Variants in MAPKAP1 observed in about 807,000 individuals in gnomAD.
MAPKAP1 encodes target of rapamycin complex 2 subunit MAPKAP1.
A neutral mutation model predicts 65.7 loss-of-function variants in MAPKAP1; 20 were observed. The ratio of observed to expected loss-of-function variants is 0.30; its 90% CI spans 0.21 to 0.44. The LOEUF (loss-of-function observed/expected upper bound fraction) is 0.44, where lower values mean the gene tolerates loss of function less well. MAPKAP1 is among the 20% of genes least tolerant of loss of function. The pLI, the probability that MAPKAP1 is intolerant of heterozygous loss-of-function variation, is 1.00. For synonymous variants in MAPKAP1, 222 were observed against 244.3 expected (o/e 0.91, Z 0.85); for missense variants, 423 against 648.0 (o/e 0.65, Z 3.77).
chr9:125,610,200 G>A (rs1832558444), intron 4 of MAPKAP1, among the ~76,000 whole-genome samples: 1 of 152,174 alleles, frequency 6.6e-6, no homozygotes. Context: ...TCTTCATTCT[G>A]TAATATATAT....
intron 1 of MAPKAP1, among the ~76,000 whole-genome samples, chr9:125,703,318 G>A (rs1216817712): frequency 6.6e-6 from 1 of 152,116 alleles, no homozygotes; most frequent in African/African-American, 2.4e-5. Context: ...CCAGTTTTTT[G>A]TGGCTCTATC....
At chr9:125,594,832 ACT>A (rs1832078860) in intron 4 of MAPKAP1, among the ~76,000 whole-genome samples, 1 of 151,774 alleles carries the variant, frequency 6.6e-6, no homozygotes, top group Non-Finnish European at 1.5e-5. Flanking sequence ...GACTCCTCAG[ACT>A]CTCTTTCAGA....
At chr9:125,686,878 G>GT (rs1040038374) in intron 1 of MAPKAP1, among the ~76,000 whole-genome samples, 2 of 151,900 alleles carry the variant, frequency 1.3e-5, no homozygotes, top group Non-Finnish European at 2.9e-5. Flanking sequence ...CCAGGCTGAG[G>GT]TGCAGGAGCA....
intron 7 of MAPKAP1, among the ~76,000 whole-genome samples, chr9:125,509,078 A>G (rs528274201): frequency 5.9e-5 from 9 of 152,292 alleles, no homozygotes; most frequent in African/African-American, 1.7e-4. Context: ...TGGAGTGACT[A>G]TAGTTACCAA....
intron 1 of MAPKAP1, among the ~76,000 whole-genome samples, chr9:125,679,936 C>T (rs1166375268): frequency 1.3e-5 from 2 of 152,150 alleles, no homozygotes; most frequent in East Asian, 3.8e-4. Context: ...TTACTGCTGC[C>T]CCATCAATGT....
intron 4 of MAPKAP1, among the ~76,000 whole-genome samples, chr9:125,635,269 A>G (rs1564594538): frequency 6.6e-6 from 1 of 152,172 alleles, no homozygotes; most frequent in African/African-American, 2.4e-5. Context: ...CACCTCAAAC[A>G]TCGTTTGTGG....
chr9:125,438,977 G>A lies in MAPKAP1; in HGVS notation c.1479C>T (p.Ala493=). 2 of 1,614,110 alleles carry A rather than the reference G, an allele frequency of 1.2e-6. No individual in the cohort carries two copies. The highest frequency in any genetic ancestry group is 4.5e-5 in the East Asian group (2 of 44,878). Reference sequence around the variant, plus strand: ...GTTTTTGAGCAAAGTAGTCAGCCCGGGCAGTGCTAGCTCGCGATTCCAGGA... The same window carrying A: ...GTTTTTGAGCAAAGTAGTCAGCCCGAGCAGTGCTAGCTCGCGATTCCAGGA... ...NYILESRAST[A]RADYFAQKQR... is the part of the protein sequence containing the mutation. The change falls in exon 12 of 12, where the codon GCC becomes GCT. Residue 493 remains alanine (A), a synonymous_variant. Transcript: ENST00000265960.
chr9:125,506,123 AC>A lies in MAPKAP1; in HGVS notation c.1066+186del, dbSNP rs564395476. ...GTGCTAAACAGGATGCAGCCTCTCT[AC>A]CAAAAAGCACAAAATCAATCATTTC... is the stretch of plus-strand genomic sequence containing the variant. On this transcript the variant is annotated intron_variant, in intron 8 of 11. Transcript: ENST00000265960. 1.1e-4 allele frequency: 68 copies of A among 636,172 alleles called. No homozygotes were observed. The African/African-American group carries it at 1.1e-3, about 11-fold the overall frequency. The allele number at this position is 636,172 out of a possible 1,614,324, so 39.4% of individuals were successfully genotyped here.
Position 125,437,855 on chromosome 9 carries a change from T to C in MAPKAP1, c.*1032A>G, listed in dbSNP as rs1052664439. 6.6e-6 allele frequency: 1 copy of C among 152,324 alleles called. No individual in the cohort carries two copies. Among genetic ancestry groups the C allele is most frequent in the African/African-American group, 2.4e-5 (1 of 41,426 alleles). 9.4% of individuals were successfully genotyped at this position (152,324 alleles called of 1,614,324 possible). A position where few individuals can be genotyped will look rare whatever the true frequency, so the allele number is the denominator to read the frequency against. ...ATCTGGTGTGGCCAGAGGCGTGGTGTCAGGGGCATCTGATCCCTTGCCTGT... is the reference window on the plus strand; with the variant it reads ...ATCTGGTGTGGCCAGAGGCGTGGTGCCAGGGGCATCTGATCCCTTGCCTGT... On this transcript the variant is annotated 3_prime_UTR_variant, in exon 12 of 12. Coordinates refer to ENST00000265960, the MANE Select transcript of MAPKAP1 (RefSeq NM_001006617.3).
chr9:125,580,449 C>G (rs528495922), intron 5 of MAPKAP1, among the ~76,000 whole-genome samples: 6 of 129,416 alleles, frequency 4.6e-5, no homozygotes, highest in Non-Finnish European at 1.1e-4. Flanking sequence ...GAAATCCAAA[C>G]ACCGCAAGTT....
intron 1 of MAPKAP1, among the ~76,000 whole-genome samples, chr9:125,693,632 TATAC>T (rs1456433042): frequency 6.9e-6 from 1 of 145,042 alleles, no homozygotes; most frequent in Non-Finnish European, 1.5e-5. Flanking sequence ...TATATACACA[TATAC>T]ACACACATAT....
At chr9:125,669,945 A>G in intron 2 of MAPKAP1, 38 bp from the exon 3 acceptor site, 3 of 1,217,290 alleles carry the variant, frequency 2.5e-6, no homozygotes, top group African/African-American at 1.5e-5. Flanking sequence ...TTTGTCAATG[A>G]AAGTTTACCA....
At chr9:125,472,448 A>G (rs1050048256) in intron 9 of MAPKAP1, among the ~76,000 whole-genome samples, 3 of 152,240 alleles carry the variant, frequency 2.0e-5, no homozygotes, top group Non-Finnish European at 4.4e-5. Context: ...TTGTTCATAC[A>G]TGGCAAATTG....
intron 1 of MAPKAP1, among the ~76,000 whole-genome samples, chr9:125,682,800 C>T (rs1834861690): frequency 6.6e-6 from 1 of 152,170 alleles, no homozygotes; most frequent in Admixed American, 6.5e-5. Context: ...AATTGTCTAC[C>T]AAATATTCAT....
At chr9:125,653,838 C>T in intron 4 of MAPKAP1, among the ~76,000 whole-genome samples, 1 of 152,180 alleles carries the variant, frequency 6.6e-6, no homozygotes, top group East Asian at 1.9e-4. Flanking sequence ...ACACCCATCT[C>T]CTTTCAGAGG....
intron 3 of MAPKAP1, among the ~76,000 whole-genome samples, chr9:125,663,763 T>G (rs1192514419): frequency 1.3e-5 from 2 of 152,094 alleles, no homozygotes; most frequent in Non-Finnish European, 2.9e-5. Context: ...AGCCCTTCCT[T>G]CTGGTTTCAA....
At position 125,444,576 on chromosome 9, in the gene MAPKAP1, C is replaced by T. The variant is rs35549826; in HGVS notation, c.1368G>A (p.Thr456=). The change falls in exon 11 of 12, where the codon ACG becomes ACA. Residue 456 remains threonine (T), a synonymous_variant. Transcript: ENST00000265960. ...KSPSHAIFKL[T]YLSNHDYKHL... Reference sequence around the variant, plus strand: ...GTTTATAGTCGTGATTGCTTAGATACGTGAGTTTAAATATTGCGTGACCTG... The same window carrying T: ...GTTTATAGTCGTGATTGCTTAGATATGTGAGTTTAAATATTGCGTGACCTG... 8.6e-4 allele frequency: 1,389 copies of T among 1,613,468 alleles called. 15 individuals are homozygous for T. The African/African-American group carries it at 0.016, about 18-fold the overall frequency.
intron 7 of MAPKAP1, among the ~76,000 whole-genome samples, chr9:125,522,975 T>C (rs1410637495): frequency 6.6e-6 from 1 of 152,162 alleles, no homozygotes; most frequent in Non-Finnish European, 1.5e-5. Flanking sequence ...CTAAGTCTTA[T>C]CTTCTCTCCT....
Position 125,444,579 on chromosome 9 carries a change from G to A in MAPKAP1, c.1365C>T (p.Leu455=). ...TATAGTCGTGATTGCTTAGATACGT[G>A]AGTTTAAATATTGCGTGACCTGCAG... is the stretch of plus-strand genomic sequence containing the variant. ...EKSPSHAIFK[L]TYLSNHDYKH... is the part of the protein sequence containing the mutation. The change falls in exon 11 of 12, where the codon CTC becomes CTT. Residue 455 remains leucine, a synonymous_variant. Transcript: ENST00000265960. 6.2e-7 allele frequency: 1 copy of A among 1,613,488 alleles called. No individual in the cohort carries two copies. Among genetic ancestry groups the A allele is most frequent in the Non-Finnish European group, 8.5e-7 (1 of 1,179,542 alleles).
Sources: allele counts gnomAD v4.1 joint callset (sites outside exome capture counted in the v4.1 genomes callset), GRCh38; gene constraint gnomAD v4.1.1; transcripts MANE v1.5; gene names NCBI Gene and HGNC (gene_info 2026-07-23, HGNC 2026-07-21).